Variants in MORF4L1 observed in about 807,000 individuals in gnomAD.
The protein encoded by MORF4L1 is mortality factor 4-like protein 1.
A neutral mutation model predicts 52.9 loss-of-function variants in MORF4L1; 4 were observed. That is an observed-to-expected ratio of 0.08 (90% CI 0.04 to 0.17). MORF4L1 has a LOEUF of 0.17. MORF4L1 is among the 10% of genes least tolerant of loss of function. MORF4L1 has a pLI of 1.00. For missense variants in MORF4L1, 214 were observed against 390.4 expected (o/e 0.55, Z 3.81); for synonymous variants, 123 against 134.8 (o/e 0.91, Z 0.61).
At chr15:78,874,583 C>CTTTTT (rs56665378) in intron 1 of MORF4L1, among the ~76,000 whole-genome samples, 44 of 112,184 alleles carry the variant, frequency 3.9e-4, no homozygotes, top group African/African-American at 8.6e-4. Flanking sequence ...CTTTTTCTTT[C>CTTTTT]TTTTTTTTTT....
intron 3 of MORF4L1, 90 bp from the exon 4 acceptor site, chr15:78,886,051 A>C: frequency 3.3e-6 from 3 of 900,790 alleles, no homozygotes. Flanking sequence ...CAAATTACTT[A>C]AGAGAAATCC....
chr15:78,896,308 C>CTTTTTTTTTTTTTTTTTT (rs71148578), intron 11 of MORF4L1, among the ~76,000 whole-genome samples: 17 of 81,444 alleles, frequency 2.1e-4, no homozygotes, highest in Admixed American at 3.3e-4. Context: ...CTTTTCTTTT[C>CTTTTTTTTTTTTTTTTTT]TTTTTTTTTT....
Position 78,894,327 on chromosome 15 carries a change from C to T in MORF4L1, c.802+97C>T, listed in dbSNP as rs958210175. The T allele has an allele frequency of 7.3e-6, 7 of 964,754 alleles. No individual in the cohort carries two copies. The African/African-American group carries it at 1.0e-4, about 14-fold the overall frequency. The allele number at this position is 964,754 out of a possible 1,614,324, so 59.8% of individuals were successfully genotyped here. ...TAATTAACTTTCCAAAACATGACTCCCATTTTAATTTGAACTTTTATCTAG... is the reference window on the plus strand; with the variant it reads ...TAATTAACTTTCCAAAACATGACTCTCATTTTAATTTGAACTTTTATCTAG... On this transcript the variant is annotated intron_variant, in intron 10 of 11. Coordinates refer to ENST00000426013, the MANE Select transcript of MORF4L1 (RefSeq NM_006791.4).
chr15:78,894,515 C>T (rs2056853006), intron 10 of MORF4L1: 1 of 372,400 alleles, frequency 2.7e-6, no homozygotes, highest in Non-Finnish European at 4.8e-6. Flanking sequence ...TTCAACAATT[C>T]TCCTGCCTCA....
At chr15:78,874,273 C>A (rs1402412414) in intron 1 of MORF4L1, among the ~76,000 whole-genome samples, 1 of 152,158 alleles carries the variant, frequency 6.6e-6, no homozygotes, top group African/African-American at 2.4e-5. Context: ...TTTAGACTTG[C>A]ATTAGAATTC....
Position 78,895,870 on chromosome 15 carries a change from T to G in MORF4L1, c.887+966T>G, listed in dbSNP as rs542627794. 1.5e-3 allele frequency among the ~76,000 whole-genome samples: 222 copies of G among 152,290 alleles called. 2 individuals carry two copies. Among genetic ancestry groups the G allele is most frequent in the Non-Finnish European group, 2.5e-3 (168 of 68,016 alleles). On this transcript the variant is annotated intron_variant, in intron 11 of 11. Transcript: ENST00000426013. ...GTGGACTTGAGAATGTAGGCAAGAT[T>G]TATCATCTTTTCTTTACTAATGATA...
At chr15:78,896,242 C>G (rs2056885581) in intron 11 of MORF4L1, among the ~76,000 whole-genome samples, 1 of 150,926 alleles carries the variant, frequency 6.6e-6, no homozygotes, top group Non-Finnish European at 1.5e-5. Flanking sequence ...CCCCAAAGTG[C>G]TGTGATTACA....
At chr15:78,874,393 T>A (rs1487870434) in intron 1 of MORF4L1, among the ~76,000 whole-genome samples, 10 of 152,042 alleles carry the variant, frequency 6.6e-5, no homozygotes, top group African/African-American at 2.4e-4. Flanking sequence ...TTGTTTGTAT[T>A]TTTGAGACGA....
rs2056912068 is a variant in MORF4L1, at chr15:78,897,552, G to C, written c.*485G>C. 1 of 152,990 alleles carries C rather than the reference G, an allele frequency of 6.5e-6. No homozygotes were observed. Among genetic ancestry groups the C allele is most frequent in the Non-Finnish European group, 1.5e-5 (1 of 68,358 alleles). 9.5% of individuals were successfully genotyped at this position (152,990 alleles called of 1,614,324 possible). On this transcript the variant is annotated 3_prime_UTR_variant, in exon 12 of 12. Transcript: ENST00000426013. ...TGCAAGTCATCCATGTTGTTACTTAGGCATTTTATCTTGGCTCAAATTGTT... is the reference window on the plus strand; with the variant it reads ...TGCAAGTCATCCATGTTGTTACTTACGCATTTTATCTTGGCTCAAATTGTT...
chr15:78,889,058 G>A (rs2056754894), intron 5 of MORF4L1, among the ~76,000 whole-genome samples: 1 of 152,194 alleles, frequency 6.6e-6, no homozygotes, highest in South Asian at 2.1e-4. Flanking sequence ...GAAATCTTAA[G>A]TGGTAGTATG....
intron 1 of MORF4L1, chr15:78,873,804 C>T (rs925574217): frequency 1.3e-5 from 2 of 152,336 alleles, no homozygotes; most frequent in Non-Finnish European, 2.9e-5. Context: ...CATCACTCTG[C>T]TATTCTTGGG....
At position 78,874,589 on chromosome 15, in the gene MORF4L1, T is replaced by C. The variant is rs1400753801; in HGVS notation, c.40+1532T>C. On this transcript the variant is annotated intron_variant, in intron 1 of 11. Coordinates refer to ENST00000426013, the MANE Select transcript of MORF4L1 (RefSeq NM_006791.4). ...TTTTCTTTTCTTTTTCTTTCTTTTTTTTTTTTTTTTTTTGTATTTTTGGTA... is the reference window on the plus strand; with the variant it reads ...TTTTCTTTTCTTTTTCTTTCTTTTTCTTTTTTTTTTTTTGTATTTTTGGTA... 3.1e-3 allele frequency among the ~76,000 whole-genome samples: 453 copies of C among 145,392 alleles called. 1 individual carries two copies. The highest frequency in any genetic ancestry group is 5.0e-3 in the Non-Finnish European group (331 of 66,266).
intron 11 of MORF4L1, among the ~76,000 whole-genome samples, chr15:78,895,741 G>A (rs576496834): frequency 2.6e-5 from 4 of 152,230 alleles, no homozygotes; most frequent in South Asian, 2.1e-4. Context: ...TTTCTTGGGC[G>A]TGGTGTTGGA....
chr15:78,875,785 CAAA>C (rs10592452), intron 1 of MORF4L1, among the ~76,000 whole-genome samples: 35 of 148,230 alleles, frequency 2.4e-4, no homozygotes, highest in Middle Eastern at 7.0e-3. Flanking sequence ...GACTCCATTT[CAAA>C]AAAAAAAAAA....
chr15:78,890,928 A>C lies in MORF4L1; in HGVS notation c.324-61A>C, dbSNP rs909620923. ...CTGTGAACTTAACCCTGATAAAGGG[A>C]GTTGAAACAGAGGCAGTTTTACTGG... On this transcript the variant is annotated intron_variant, in intron 5 of 11. Transcript: ENST00000426013. The C allele has an allele frequency of 5.2e-6, 7 of 1,345,610 alleles. No homozygotes were observed. The East Asian group carries it at 2.1e-4, about 40-fold the overall frequency. 83.4% of individuals were successfully genotyped at this position (1,345,610 alleles called of 1,614,324 possible).
At chr15:78,883,562 A>C (rs2056640883) in intron 3 of MORF4L1, among the ~76,000 whole-genome samples, 1 of 152,204 alleles carries the variant, frequency 6.6e-6, no homozygotes, top group Non-Finnish European at 1.5e-5. Context: ...AAGAAATGAT[A>C]GGTTTGTGTA....
At chr15:78,875,306 C>T (rs2056464085) in intron 1 of MORF4L1, among the ~76,000 whole-genome samples, 1 of 152,138 alleles carries the variant, frequency 6.6e-6, no homozygotes, top group Non-Finnish European at 1.5e-5. Flanking sequence ...GGAGTAGCAG[C>T]AGAGATTTCC....
chr15:78,883,211 GA>G (rs5813942), intron 3 of MORF4L1, among the ~76,000 whole-genome samples: 102,705 of 136,198 alleles, frequency 0.75, 39,638 homozygotes, highest in South Asian at 0.88. Context: ...TGAGACTCAG[GA>G]AAAAAAAAAA....
At chr15:78,880,646 C>T (rs2056584664) in intron 3 of MORF4L1, 67 bp downstream of exon 3, 1 of 1,181,220 alleles carries the variant, frequency 8.5e-7, no homozygotes, top group South Asian at 1.4e-5. Flanking sequence ...ACTGGCTTAG[C>T]AAGCATATGC....
Sources: allele counts gnomAD v4.1 joint callset (sites outside exome capture counted in the v4.1 genomes callset), GRCh38; gene constraint gnomAD v4.1.1; transcripts MANE v1.5; gene names NCBI Gene and HGNC (gene_info 2026-07-23, HGNC 2026-07-21).